NRG1: variants seen among roughly 807,000 people sequenced by gnomAD.
The protein encoded by NRG1 is neuregulin 1.
In NRG1, 18 loss-of-function variants were observed where a neutral mutation model predicts 63.8. The observed-to-expected ratio is 0.28, with a 90% CI of 0.19 to 0.42. The LOEUF (loss-of-function observed/expected upper bound fraction) is 0.42, where lower values mean the gene tolerates loss of function less well. Ranked by LOEUF, NRG1 falls within the 10% of genes least tolerant of loss-of-function variation. The pLI, the probability that NRG1 is intolerant of heterozygous loss-of-function variation, is 1.00. For missense variants in NRG1, 762 were observed against 814.7 expected (o/e 0.94, Z 0.79); for synonymous variants, 302 against 301.3 (o/e 1.00, Z -0.02).
intron 1 of NRG1, among the ~76,000 whole-genome samples, chr8:32,395,870 C>T (rs1446876391): frequency 6.6e-6 from 1 of 151,914 alleles, no homozygotes; most frequent in Non-Finnish European, 1.5e-5. Context: ...TAGGTTTTAC[C>T]TTTATGTCTA....
At chr8:31,912,788 G>T (rs369417202) in intron 1 of NRG1, among the ~76,000 whole-genome samples, 1 of 152,048 alleles carries the variant, frequency 6.6e-6, no homozygotes, top group African/African-American at 2.4e-5. Flanking sequence ...TTGCATCTTT[G>T]TGAGATCTGC....
intron 1 of NRG1, among the ~76,000 whole-genome samples, chr8:32,011,072 A>G (rs1478059104): frequency 6.6e-6 from 1 of 152,092 alleles, no homozygotes; most frequent in Non-Finnish European, 1.5e-5. Context: ...ACAAAAGAGA[A>G]ATGAATGGTG....
intron 1 of NRG1, among the ~76,000 whole-genome samples, chr8:32,220,567 G>A (rs1012991503): frequency 3.9e-5 from 6 of 152,154 alleles, no homozygotes; most frequent in Admixed American, 3.9e-4. Flanking sequence ...AAGAACTTGG[G>A]GAGAAATAAA....
At chr8:32,522,862 G>A (rs1830468000) in intron 1 of NRG1, among the ~76,000 whole-genome samples, 1 of 150,460 alleles carries the variant, frequency 6.6e-6, no homozygotes, top group African/African-American at 2.5e-5. Flanking sequence ...CTGGACTGCA[G>A]TGGTGCCATC....
chr8:32,393,434 T>A (rs1006129021), intron 1 of NRG1, among the ~76,000 whole-genome samples: 2 of 152,176 alleles, frequency 1.3e-5, no homozygotes, highest in Non-Finnish European at 2.9e-5. Flanking sequence ...ACACGCATGC[T>A]TATGTTCATT....
chr8:32,610,483 G>C (rs1372722708), intron 3 of NRG1, among the ~76,000 whole-genome samples: 1 of 152,124 alleles, frequency 6.6e-6, no homozygotes, highest in African/African-American at 2.4e-5. Context: ...CTTCTGCAAT[G>C]AAACTCATTG....
chr8:31,743,197 C>T (rs1348234494), intron 1 of NRG1, among the ~76,000 whole-genome samples: 2 of 151,900 alleles, frequency 1.3e-5, no homozygotes, highest in Non-Finnish European at 2.9e-5. Context: ...TTCACATCTT[C>T]CCCTCTCTCC....
intron 7 of NRG1, among the ~76,000 whole-genome samples, chr8:32,750,319 AAT>A (rs1215155203): frequency 2.0e-5 from 3 of 152,196 alleles, no homozygotes; most frequent in Non-Finnish European, 4.4e-5. Context: ...GTAAAAGAAA[AAT>A]ATATGAGTAT....
At chr8:32,347,549 G>A (rs999615105) in intron 1 of NRG1, among the ~76,000 whole-genome samples, 1 of 152,140 alleles carries the variant, frequency 6.6e-6, no homozygotes, top group African/African-American at 2.4e-5. Context: ...AGTAATGAAA[G>A]TATAATCAGT....
intron 6 of NRG1, among the ~76,000 whole-genome samples, chr8:32,737,900 T>C (rs1175554176): frequency 6.6e-6 from 1 of 152,062 alleles, no homozygotes; most frequent in Non-Finnish European, 1.5e-5. Flanking sequence ...CCTGAACTCC[T>C]GGCCTCAAGT....
At chr8:32,548,681 G>T in exon 1 of NRG1, 1 of 1,547,880 alleles carries the variant, frequency 6.5e-7, no homozygotes. Flanking sequence ...GACCAAACTC[G>T]CCTGCGCCGA....
At chr8:32,116,635 C>T (rs1428436646) in intron 1 of NRG1, among the ~76,000 whole-genome samples, 1 of 152,072 alleles carries the variant, frequency 6.6e-6, no homozygotes, top group Non-Finnish European at 1.5e-5. Flanking sequence ...TTGTGTTTCC[C>T]TTCTAACAGC....
intron 1 of NRG1, among the ~76,000 whole-genome samples, chr8:32,312,546 G>A (rs181406332): frequency 6.6e-6 from 1 of 151,892 alleles, no homozygotes; most frequent in Non-Finnish European, 1.5e-5. Context: ...AGAGCAAGAA[G>A]GCATTCATGA....
intron 1 of NRG1, among the ~76,000 whole-genome samples, chr8:32,376,281 A>T (rs1809613518): frequency 1.3e-5 from 2 of 152,226 alleles, no homozygotes; most frequent in Admixed American, 6.5e-5. Flanking sequence ...CAGGTCACAG[A>T]TCGCTCTGGC....
At chr8:32,265,890 G>C (rs1316996908) in intron 1 of NRG1, among the ~76,000 whole-genome samples, 3 of 152,018 alleles carry the variant, frequency 2.0e-5, no homozygotes, top group African/African-American at 7.2e-5. Context: ...CAACTATTTA[G>C]ATAGCATTTA....
At chr8:32,072,404 A>G (rs1825888568) in intron 1 of NRG1, among the ~76,000 whole-genome samples, 1 of 152,038 alleles carries the variant, frequency 6.6e-6, no homozygotes, top group Non-Finnish European at 1.5e-5. Context: ...ATCTAGGGTG[A>G]TGCCAAGTCA....
intron 1 of NRG1, among the ~76,000 whole-genome samples, chr8:32,116,451 C>T (rs1231830223): frequency 2.6e-5 from 4 of 152,140 alleles, no homozygotes; most frequent in African/African-American, 9.7e-5. Flanking sequence ...CTGGATGGAG[C>T]TCTTCACCAC....
rs1189811500 is a variant in NRG1 at position 31,640,126 on chromosome 8, G to A, written c.37+695G>A. 5.2e-6 allele frequency: 6 copies of A among 1,156,828 alleles called. No homozygotes were observed. In the African/African-American group the frequency reaches 8.2e-5, roughly 16 times the overall value. The allele number at this position is 1,156,828 out of a possible 1,614,324, so 71.7% of individuals were successfully genotyped here. ...GGGGACCGCGGCCCTGGCGCCGGGG[G>A]CGGCGGCCGGCAACGAGGCGGCTCC... On this transcript the variant is annotated intron_variant, in intron 1 of 10. Coordinates refer to the NRG1 transcript ENST00000519301. The surrounding 1 kb of genome is among the most constrained non-coding windows in gnomAD (Gnocchi z 6.3).
intron 5 of NRG1, among the ~76,000 whole-genome samples, chr8:32,619,088 C>T (rs1847877590): frequency 6.6e-6 from 1 of 152,104 alleles, no homozygotes; most frequent in Non-Finnish European, 1.5e-5. Flanking sequence ...GTGGCATGCA[C>T]TTGTAGTCCC....
Sources: gnomAD v4.1 joint callset for allele counts (sites outside exome capture counted in the v4.1 genomes callset) on GRCh38, gnomAD v4.1.1 for gene constraint, Gnocchi (gnomAD v3.1) non-coding constraint, MANE v1.5 for transcripts, NCBI Gene and HGNC (gene_info 2026-07-23, HGNC 2026-07-21) for gene names.